DIAPH1: variants seen among roughly 807,000 people sequenced by gnomAD.
DIAPH1 encodes the protein diaphanous related formin 1.
A neutral mutation model predicts 140.7 loss-of-function variants in DIAPH1; 46 were observed. The ratio of observed to expected loss-of-function variants is 0.33; its 90% CI spans 0.26 to 0.42. The LOEUF is 0.42. Among genes scored for constraint, DIAPH1 ranks in the 10% least tolerant of loss-of-function variants. The pLI is 1.00. For missense variants in DIAPH1, 1,310 were observed against 1,558.7 expected, an observed-to-expected ratio of 0.84 and a Z score of 2.69; for synonymous variants, 565 against 551.6, an observed-to-expected ratio of 1.02 and a Z score of -0.34.
At chr5:141,523,870 C>A (rs1359163776) in intron 27 of DIAPH1, among the ~76,000 whole-genome samples, 1 of 151,762 alleles carries the variant, frequency 6.6e-6, no homozygotes, top group Non-Finnish European at 1.5e-5. Flanking sequence ...CTGGGTCCTG[C>A]AGCTCAGTTC....
At position 141,528,732 on chromosome 5, in the gene DIAPH1, A is replaced by T. The variant is rs2154594999; in HGVS notation, c.2988T>A (p.Ala996=). ...YMNAGSRNAG[A]FGFNISFLCK... ...AGAGGAAGCTGATATTGAAGCCAAAAGCACCAGCATTTCTGGAGCCAGCAT... is the reference window on the plus strand; with the variant it reads ...AGAGGAAGCTGATATTGAAGCCAAATGCACCAGCATTTCTGGAGCCAGCAT... Residue 996 remains alanine (A), a synonymous_variant, in exon 22 of 28, where the codon GCT becomes GCA. Coordinates refer to ENST00000389054, the MANE Select transcript of DIAPH1 (RefSeq NM_005219.5). 6.2e-7 allele frequency: 1 copy of T among 1,614,252 alleles called. No individual in the cohort carries two copies. Among genetic ancestry groups the T allele is most frequent in the Non-Finnish European group, 8.5e-7 (1 of 1,180,042 alleles).
At chr5:141,517,110 C>T (rs2099885803) in intron 27 of DIAPH1, 102 bp from the exon 28 acceptor site, 5 of 1,389,954 alleles carry the variant, frequency 3.6e-6, no homozygotes, top group Admixed American at 1.9e-5. Context: ...GACATGACTA[C>T]CTTGGCCACT....
chr5:141,603,341 T>C (rs1182043851), intron 1 of DIAPH1, among the ~76,000 whole-genome samples: 1 of 152,242 alleles, frequency 6.6e-6, no homozygotes, highest in African/African-American at 2.4e-5. Context: ...AATTTGTATG[T>C]CAATTATACC....
At chr5:141,530,447 T>C (rs1596340938) in intron 19 of DIAPH1, among the ~76,000 whole-genome samples, 1 of 152,168 alleles carries the variant, frequency 6.6e-6, no homozygotes, top group Non-Finnish European at 1.5e-5. Context: ...CCCTGGTCAG[T>C]CTAGCCATTT....
chr5:141,573,992 G>C lies in DIAPH1; in HGVS notation c.1858C>G (p.Pro620Ala). 6.4e-7 allele frequency: 1 copy of C among 1,551,584 alleles called. No homozygotes were observed. Among genetic ancestry groups the C allele is most frequent in the South Asian group, 1.2e-5 (1 of 83,974 alleles). The change falls in exon 16 of 28, where the codon CCT (proline) becomes GCT (alanine). Residue 620 changes from proline to alanine, a missense_variant. Around this residue, in one of 3 missense-constraint regions of DIAPH1, gnomAD observed 589 missense variants for 549.3 expected, o/e 1.07. Coordinates refer to ENST00000389054, the MANE Select transcript of DIAPH1 (RefSeq NM_005219.5). The stretch of plus-strand genomic sequence containing the variant: ...GAGATGCAAACACCCCCAGGCAAAG[G>C]AGGTGGAGGAGGAGGAGGAGGAGGA... ...PPPPPPPPPP[P>A]LPGGVCISSP...
chr5:141,582,231 A>T, intron 7 of DIAPH1, 81 bp downstream of exon 7: 1 of 998,334 alleles, frequency 1.0e-6, no homozygotes, highest in Non-Finnish European at 1.6e-6. Flanking sequence ...TCATATTCCT[A>T]GTTCCTCTTT....
At chr5:141,573,346 A>G in intron 16 of DIAPH1, 146 bp downstream of exon 16, 1 of 953,538 alleles carries the variant, frequency 1.0e-6, no homozygotes. Flanking sequence ...GAGGCAGGAG[A>G]ATGGCGTGAA....
chr5:141,522,884 T>C (rs2099886777), intron 27 of DIAPH1, among the ~76,000 whole-genome samples: 1 of 152,128 alleles, frequency 6.6e-6, no homozygotes, highest in African/African-American at 2.4e-5. Context: ...AGCTTTCAGT[T>C]TGGGGAACAT....
At chr5:141,546,618 T>C (rs1469274774) in intron 18 of DIAPH1, among the ~76,000 whole-genome samples, 1 of 147,108 alleles carries the variant, frequency 6.8e-6, no homozygotes, top group Non-Finnish European at 1.5e-5. Flanking sequence ...ATCGTGCCAC[T>C]GCACTCCAGC....
At chr5:141,592,495 A>G (rs2099898662) in intron 1 of DIAPH1, among the ~76,000 whole-genome samples, 1 of 151,250 alleles carries the variant, frequency 6.6e-6, no homozygotes, top group African/African-American at 2.5e-5. Context: ...GTTAACAACA[A>G]CAACAACAAC....
intron 18 of DIAPH1, among the ~76,000 whole-genome samples, chr5:141,558,855 C>T (rs890768903): frequency 6.7e-6 from 1 of 149,572 alleles, no homozygotes; most frequent in Non-Finnish European, 1.5e-5. Flanking sequence ...GTTTATCCAA[C>T]GTCCCTAAAG....
chr5:141,618,714 C>T, intron 1 of DIAPH1, 84 bp downstream of exon 1: 1 of 1,002,842 alleles, frequency 1.0e-6, no homozygotes, highest in Non-Finnish European at 1.5e-6. Context: ...TCCCCAAAGC[C>T]GGGCAGGCGC....
At position 141,576,763 on chromosome 5, in the gene DIAPH1, T is replaced by C; in HGVS notation, c.1389A>G (p.Gly463=). The change falls in exon 13 of 28, where the codon GGA becomes GGG. Residue 463 remains glycine (G), a synonymous_variant. Transcript: ENST00000389054. ...KCRHLQIEIE[G]LIDQMIDKTK... Reference sequence around the variant, plus strand: ...ATAGAAGAGTATGCTTACCAATTAATCCCTCAATCTCAATCTGGAGGTGCC... The same window carrying C: ...ATAGAAGAGTATGCTTACCAATTAACCCCTCAATCTCAATCTGGAGGTGCC... The C allele has an allele frequency of 7.5e-6, 12 of 1,603,676 alleles. No homozygotes were observed. The highest frequency in any genetic ancestry group is 1.0e-5 in the Non-Finnish European group (12 of 1,170,576).
At chr5:141,554,826 C>T (rs1049293144) in intron 18 of DIAPH1, among the ~76,000 whole-genome samples, 2 of 151,978 alleles carry the variant, frequency 1.3e-5, no homozygotes, top group African/African-American at 4.8e-5. Context: ...AAAAAAAAAC[C>T]TGACCAAATT....
At chr5:141,595,480 G>A (rs1184943572) in intron 1 of DIAPH1, among the ~76,000 whole-genome samples, 1 of 152,186 alleles carries the variant, frequency 6.6e-6, no homozygotes, top group African/African-American at 2.4e-5. Flanking sequence ...TATGTCAAGG[G>A]CGGGACCAGG....
chr5:141,618,880 C>T lies in DIAPH1; in HGVS notation c.35G>A (p.Arg12His). 1 of 1,519,530 alleles carries T rather than the reference C, an allele frequency of 6.6e-7. No individual in the cohort carries two copies. Among genetic ancestry groups the T allele is most frequent in the African/African-American group, 1.4e-5 (1 of 69,780 alleles). The allele number at this position is 1,519,530 out of a possible 1,614,324, so 94.1% of individuals were successfully genotyped here. A position where few individuals can be genotyped will look rare whatever the true frequency, so the allele number is the denominator to read the frequency against. Residue 12 changes from arginine to histidine, a missense_variant, in exon 1 of 28, where the codon CGC (arginine) becomes CAC (histidine). Transcript: ENST00000389054. ...EPPGGSLGPG[R>H]GTRDKKKGRS... ...GCCCTTCTTCTTGTCCCGGGTCCCG[C>T]GGCCGGGCCCCAGGCTCCCGCCGGG...
chr5:141,517,411 G>A (rs1456075751), intron 27 of DIAPH1, among the ~76,000 whole-genome samples: 1 of 152,162 alleles, frequency 6.6e-6, no homozygotes, highest in Non-Finnish European at 1.5e-5. Context: ...TTGTTTTCTT[G>A]ACAGGTCCCA....
chr5:141,578,043 G>C (rs1407803498), intron 11 of DIAPH1, 182 bp downstream of exon 11: 2 of 678,630 alleles, frequency 2.9e-6, no homozygotes, highest in Non-Finnish European at 5.4e-6. Flanking sequence ...TGACTTCCCT[G>C]ATCTATGATA....
chr5:141,601,345 G>A (rs2099900114), intron 1 of DIAPH1, among the ~76,000 whole-genome samples: 1 of 150,936 alleles, frequency 6.6e-6, no homozygotes, highest in Non-Finnish European at 1.5e-5. Context: ...AGGCTAACGT[G>A]CGGTGTGATC....
Sources: allele counts gnomAD v4.1 joint callset (sites outside exome capture counted in the v4.1 genomes callset), GRCh38; gene constraint gnomAD v4.1.1; regional missense constraint gnomAD v4.1.1; transcripts MANE v1.5; gene names NCBI Gene and HGNC (gene_info 2026-07-23, HGNC 2026-07-21).